Variants in XKR4 observed in about 807,000 individuals in gnomAD.
XKR4 encodes the protein XK-related protein 4.
In XKR4, 12 loss-of-function variants were observed where a neutral mutation model predicts 53.9. The ratio of observed to expected loss-of-function variants is 0.22; its 90% CI spans 0.14 to 0.36. The LOEUF (loss-of-function observed/expected upper bound fraction) is 0.36. Among genes scored for constraint, XKR4 ranks in the 10% least tolerant of loss-of-function variants. XKR4 has a pLI of 1.00. For missense variants in XKR4, 799 were observed against 859.5 expected (o/e 0.93, Z 0.88); for synonymous variants, 354 against 362.4 (o/e 0.98, Z 0.26).
At chr8:55,138,160 G>A (rs903896961) in intron 1 of XKR4, among the ~76,000 whole-genome samples, 1 of 151,966 alleles carries the variant, frequency 6.6e-6, no homozygotes, top group Non-Finnish European at 1.5e-5. Context: ...CAGTCCAGAG[G>A]GTTCCTTTTT....
At chr8:55,190,657 A>G (rs2129360938) in intron 1 of XKR4, among the ~76,000 whole-genome samples, 1 of 152,298 alleles carries the variant, frequency 6.6e-6, no homozygotes, top group Non-Finnish European at 1.5e-5. Context: ...ATAAAAATGT[A>G]TTTGAAAAGG....
intron 2 of XKR4, among the ~76,000 whole-genome samples, chr8:55,491,625 G>GATTT (rs1554530562): frequency 6.7e-6 from 1 of 149,776 alleles, no homozygotes; most frequent in Non-Finnish European, 1.5e-5. Flanking sequence ...TGTCTTTGGG[G>GATTT]GTTTGTTTGT....
intron 2 of XKR4, among the ~76,000 whole-genome samples, chr8:55,479,808 A>T (rs1292001187): frequency 6.6e-6 from 1 of 152,236 alleles, no homozygotes; most frequent in Non-Finnish European, 1.5e-5. Flanking sequence ...GAAGAAATGG[A>T]TAAATTCCTC....
intron 1 of XKR4, among the ~76,000 whole-genome samples, chr8:55,310,360 A>G (rs781428133): frequency 2.6e-5 from 4 of 152,172 alleles, no homozygotes; most frequent in Non-Finnish European, 5.9e-5. Flanking sequence ...TCTCATCTAT[A>G]AAATGGGAAA....
intron 2 of XKR4, among the ~76,000 whole-genome samples, chr8:55,410,237 T>C (rs566073493): frequency 1.3e-5 from 2 of 152,204 alleles, no homozygotes; most frequent in Admixed American, 1.3e-4. Context: ...TGCCAGAAGG[T>C]ACTCCAATCG....
In XKR4 at chr8:55,524,195, C is replaced by A. The variant is rs201376487; in HGVS notation, c.1921C>A (p.Gln641Lys). 1 of 1,614,092 alleles carries A rather than the reference C, an allele frequency of 6.2e-7. No individual in the cohort carries two copies. The highest frequency in any genetic ancestry group is 1.3e-5 in the African/African-American group (1 of 75,068). ...RLQYKDDALIQERLEYETTL is the reference protein window; with the variant it reads ...RLQYKDDALIKERLEYETTL ...GCAGTACAAAGATGATGCCCTTATT[C>A]AGGAGCGGTTGGAGTACGAAACCAC... is the stretch of plus-strand genomic sequence containing the variant. Residue 641 changes from glutamine to lysine, a missense_variant, in exon 3 of 3, where the codon CAG (glutamine) becomes AAG (lysine). Coordinates refer to ENST00000327381, the MANE Select transcript of XKR4 (RefSeq NM_052898.2).
intron 2 of XKR4, chr8:55,452,071 G>C: frequency 1.4e-6 from 1 of 705,188 alleles, no homozygotes. Context: ...TTGGTGACTC[G>C]GGGTGGCTGG....
chr8:55,207,125 A>G (rs1585939010), intron 1 of XKR4, among the ~76,000 whole-genome samples: 1 of 152,224 alleles, frequency 6.6e-6, no homozygotes. Context: ...CCCAGATGGC[A>G]TGGTGCTCTG....
chr8:55,304,598 G>A (rs1371963452), intron 1 of XKR4, among the ~76,000 whole-genome samples: 3 of 152,198 alleles, frequency 2.0e-5, no homozygotes, highest in Non-Finnish European at 4.4e-5. Context: ...ACAGTGGGGT[G>A]TTAAAGTCTC....
rs999552486 is a variant in XKR4, at chr8:55,533,068, G to A, written c.*8841G>A. ...TTATTTCACATTAATTCATCAAGAA[G>A]TTCCAAAACACTACTAAATGTGTTG... On this transcript the variant is annotated 3_prime_UTR_variant, in exon 3 of 3. Transcript: ENST00000327381. 6.6e-6 allele frequency: 1 copy of A among 152,190 alleles called. No homozygotes were observed. Among genetic ancestry groups the A allele is most frequent in the African/African-American group, 2.4e-5 (1 of 41,446 alleles). 9.4% of individuals were successfully genotyped at this position (152,190 alleles called of 1,614,324 possible).
At chr8:55,162,721 C>G (rs953557834) in intron 1 of XKR4, among the ~76,000 whole-genome samples, 9 of 152,242 alleles carry the variant, frequency 5.9e-5, no homozygotes, top group Admixed American at 3.9e-4. Context: ...CTCAATAGTA[C>G]AATTTAGGGT....
At chr8:55,213,599 C>G (rs1224074954) in intron 1 of XKR4, among the ~76,000 whole-genome samples, 1 of 152,152 alleles carries the variant, frequency 6.6e-6, no homozygotes, top group Non-Finnish European at 1.5e-5. Context: ...GGTAGTCTGG[C>G]TCCCAGGCAA....
At chr8:55,265,092 G>A (rs958069290) in intron 1 of XKR4, among the ~76,000 whole-genome samples, 2 of 152,184 alleles carry the variant, frequency 1.3e-5, no homozygotes, top group African/African-American at 4.8e-5. Flanking sequence ...GTATTTTTCT[G>A]CAAGCCATCT....
rs145000117 is a variant in XKR4, at chr8:55,415,264, C to T, written c.1006+57387C>T. Among the ~76,000 whole-genome samples the T allele has an allele frequency of 9.2e-5, 14 of 152,262 alleles. No homozygotes were observed. The East Asian group carries it at 2.7e-3, about 29-fold the overall frequency. On this transcript the variant is annotated intron_variant, in intron 2 of 2. Coordinates refer to ENST00000327381, the MANE Select transcript of XKR4 (RefSeq NM_052898.2). ...TTATCCTTCAGAATGTCTGATTACC[C>T]TGTTAGGTTCATATAAGGCAGGGAG... is the stretch of plus-strand genomic sequence containing the variant.
chr8:55,424,675 G>C (rs1037908717), intron 2 of XKR4, among the ~76,000 whole-genome samples: 5 of 152,198 alleles, frequency 3.3e-5, no homozygotes, highest in Non-Finnish European at 1.5e-5. Flanking sequence ...CTCCTTGTGT[G>C]TAATTCACTT....
intron 1 of XKR4, among the ~76,000 whole-genome samples, chr8:55,279,352 G>A (rs972662973): frequency 6.6e-6 from 1 of 152,186 alleles, no homozygotes; most frequent in Non-Finnish European, 1.5e-5. Flanking sequence ...TCCACCCACA[G>A]TGTATCTGTA....
At chr8:55,234,870 G>A (rs1259474787) in intron 1 of XKR4, among the ~76,000 whole-genome samples, 1 of 152,188 alleles carries the variant, frequency 6.6e-6, no homozygotes, top group Non-Finnish European at 1.5e-5. Context: ...TCAGAGCAGG[G>A]TGACCGGGAA....
chr8:55,306,911 G>A (rs145031107), intron 1 of XKR4, among the ~76,000 whole-genome samples: 28 of 150,780 alleles, frequency 1.9e-4, no homozygotes, highest in African/African-American at 6.4e-4. Flanking sequence ...TATTTAAGGT[G>A]TGAGAGCAAT....
chr8:55,418,838 G>A (rs749253054), intron 2 of XKR4, among the ~76,000 whole-genome samples: 18 of 151,212 alleles, frequency 1.2e-4, no homozygotes, highest in Non-Finnish European at 2.4e-4. Flanking sequence ...TTCTCATCAC[G>A]ACCTTCCTGC....
Sources: gnomAD v4.1 joint callset for allele counts (sites outside exome capture counted in the v4.1 genomes callset) on GRCh38, gnomAD v4.1.1 for gene constraint, MANE v1.5 for transcripts, NCBI Gene and HGNC (gene_info 2026-07-23, HGNC 2026-07-21) for gene names.